RGS22: variants seen among roughly 807,000 people sequenced by gnomAD.
The protein encoded by RGS22 is regulator of G protein signaling 22.
In RGS22, 148 loss-of-function variants were observed where a neutral mutation model predicts 172.9. The observed-to-expected ratio is 0.86, with a 90% CI of 0.75 to 0.98. The LOEUF (loss-of-function observed/expected upper bound fraction) is 0.98, where lower values mean the gene tolerates loss of function less well. Among genes scored for constraint, RGS22 ranks in the 50% least tolerant of loss-of-function variants. The probability of loss-of-function intolerance (pLI) is 0.00; values close to 1 mark genes in which losing one functional copy is unlikely to be tolerated. For missense variants in RGS22, 1,347 were observed against 1,440.8 expected (o/e 0.93, Z 1.05); for synonymous variants, 458 against 480.2 (o/e 0.95, Z 0.60).
In RGS22 at chr8:100,066,298, T is replaced by C. The variant is rs1810531026; in HGVS notation, c.595-2A>G. ...ATCTTTTGTTTGAGTATAGGAAGCCTAGGAAGAAGGGAGCATATTAGTTTA... is the reference window on the plus strand; with the variant it reads ...ATCTTTTGTTTGAGTATAGGAAGCCCAGGAAGAAGGGAGCATATTAGTTTA... On this transcript the variant is annotated splice_acceptor_variant, in intron 6 of 27. Transcript: ENST00000360863. LOFTEE classifies it high-confidence loss of function. 1 of 1,612,244 alleles carries C rather than the reference T, an allele frequency of 6.2e-7. No individual in the cohort carries two copies. The highest frequency in any genetic ancestry group is 8.5e-7 in the Non-Finnish European group (1 of 1,178,612).
intron 3 of RGS22, among the ~76,000 whole-genome samples, chr8:100,090,540 T>C (rs3133719): frequency 0.21 from 32,275 of 152,036 alleles, 5,551 homozygotes; most frequent in African/African-American, 0.48. Flanking sequence ...CTGGTTATGG[T>C]TAGTCAACCA....
chr8:100,103,804 C>A (rs1412837358), intron 2 of RGS22, among the ~76,000 whole-genome samples: 3 of 152,058 alleles, frequency 2.0e-5, no homozygotes, highest in Admixed American at 1.3e-4. Flanking sequence ...TGAAACCAAG[C>A]CAAGAGAAAG....
intron 14 of RGS22, among the ~76,000 whole-genome samples, 187 bp from the exon 15 acceptor site, chr8:100,008,756 C>T (rs1816029692): frequency 6.6e-6 from 1 of 152,072 alleles, no homozygotes; most frequent in Non-Finnish European, 1.5e-5. Flanking sequence ...TTTGTTTTTC[C>T]TTTTGTTTTC....
chr8:100,022,846 G>A (rs1817763438), intron 14 of RGS22, among the ~76,000 whole-genome samples: 1 of 151,994 alleles, frequency 6.6e-6, no homozygotes, highest in South Asian at 2.1e-4. Context: ...CTCAAGCCTA[G>A]CCTCCCGAGT....
chr8:100,015,787 T>C (rs1049805116), intron 14 of RGS22, among the ~76,000 whole-genome samples: 10 of 152,194 alleles, frequency 6.6e-5, no homozygotes, highest in African/African-American at 2.4e-4. Context: ...AACTCAGTTT[T>C]CTGACCAAGC....
chr8:100,005,998 A>G lies in RGS22; in HGVS notation c.2454+19T>C, dbSNP rs552387396. 1.2e-5 allele frequency: 19 copies of G among 1,603,574 alleles called. No individual in the cohort carries two copies. The African/African-American group carries it at 2.5e-4, about 22-fold the overall frequency. ...TCCAGGATAAAAAGTTTGTTTTTCT[A>G]AGTAGAAAGTTGCCTTACCTCAGCT... On this transcript the variant is annotated intron_variant, in intron 16 of 27. Coordinates refer to ENST00000360863, the MANE Select transcript of RGS22 (RefSeq NM_015668.5).
In RGS22 at chr8:99,987,446, C is replaced by G. The variant is rs370094087; in HGVS notation, c.3180+12G>C. 585 of 1,571,334 alleles carry G rather than the reference C, an allele frequency of 3.7e-4. 1 individual carries two copies. Among genetic ancestry groups the G allele is most frequent in the Non-Finnish European group, 4.9e-4 (565 of 1,156,168 alleles). ...CAAAACAGGTGGTTTTCTCTAGCTC[C>G]CAATACAATACCTTATATTTTTGTA... On this transcript the variant is annotated intron_variant, in intron 21 of 27. Transcript: ENST00000360863.
At chr8:99,978,638 A>G (rs1812230879) in intron 22 of RGS22, among the ~76,000 whole-genome samples, 1 of 152,248 alleles carries the variant, frequency 6.6e-6, no homozygotes, top group African/African-American at 2.4e-5. Context: ...ACATTTAAAA[A>G]GCAGAACGGT....
chr8:99,996,760 T>C (rs933527700), intron 19 of RGS22, among the ~76,000 whole-genome samples: 2 of 152,194 alleles, frequency 1.3e-5, no homozygotes, highest in African/African-American at 4.8e-5. Flanking sequence ...CCGATTGTTA[T>C]TGCCCCAAAT....
At chr8:99,996,336 T>C in intron 20 of RGS22, 126 bp downstream of exon 20, 3 of 710,664 alleles carry the variant, frequency 4.2e-6, no homozygotes, top group Non-Finnish European at 7.4e-6. Context: ...ACAGTATCAG[T>C]GCTCAGTTGT....
rs576666975 is a variant in RGS22 at position 100,019,733 on chromosome 8, G to A, written c.2167-11164C>T. Among the ~76,000 whole-genome samples, 5 of 151,258 alleles carry A rather than the reference G, an allele frequency of 3.3e-5. No homozygotes were observed. The South Asian group carries it at 6.3e-4, about 19-fold the overall frequency. On this transcript the variant is annotated intron_variant, in intron 14 of 27. Coordinates refer to ENST00000360863, the MANE Select transcript of RGS22 (RefSeq NM_015668.5). ...TCCCTTTTTTTTAGACCCATTACTC[G>A]ACTAAAAAGTAAAAGAGGGAATTCT...
intron 11 of RGS22, among the ~76,000 whole-genome samples, chr8:100,043,501 GCACGGTGGCT>G (rs1366917090): frequency 2.6e-5 from 4 of 152,134 alleles, no homozygotes; most frequent in Non-Finnish European, 4.4e-5. Context: ...TAGTGGCTGG[GCACGGTGGCT>G]CACGCCTATA....
Position 100,071,499 on chromosome 8 carries a change from G to T in RGS22, c.464C>A (p.Ser155Tyr), listed in dbSNP as rs1810975900. ...KLVSQVRWSK[S>Y]GMNFTVGSNF... ...TGATCCTACTGTGAAATTCATGCCG[G>T]ACTTGCTCCATCTTACTTGTGAGAC... The change falls in exon 6 of 28, where the codon TCC becomes TAC. Residue 155 changes from serine to tyrosine, a missense_variant. Ser to Tyr is a moderately radical substitution (Grantham distance 144, BLOSUM62 -2). Coordinates refer to ENST00000360863, the MANE Select transcript of RGS22 (RefSeq NM_015668.5). 1.2e-6 allele frequency: 2 copies of T among 1,611,882 alleles called. No homozygotes were observed. The highest frequency in any genetic ancestry group is 8.5e-7 in the Non-Finnish European group (1 of 1,179,018).
intron 14 of RGS22, among the ~76,000 whole-genome samples, chr8:100,030,814 G>A (rs762901042): frequency 4.6e-5 from 7 of 152,072 alleles, no homozygotes; most frequent in Non-Finnish European, 8.8e-5. Context: ...GAATTAAACT[G>A]AAAGTAAGGA....
chr8:99,999,164 A>G, intron 19 of RGS22, 98 bp downstream of exon 19: 3 of 1,160,096 alleles, frequency 2.6e-6, no homozygotes, highest in Non-Finnish European at 3.5e-6. Flanking sequence ...TCCTTAAAAA[A>G]AAAAAAAAAG....
In RGS22 at chr8:100,051,740, AAT is replaced by A. The variant is rs1491389084; in HGVS notation, c.1689+1060_1689+1061del. ...ATATATTTATATATACGTATATATA[AAT>A]ATATATTTATATATTTATATATAAA... On this transcript the variant is annotated intron_variant, in intron 10 of 27. Coordinates refer to ENST00000360863, the MANE Select transcript of RGS22 (RefSeq NM_015668.5). 6.2e-5 allele frequency among the ~76,000 whole-genome samples: 5 copies of A among 80,022 alleles called. 1 individual carries two copies. In the South Asian group the frequency reaches 1.7e-3, roughly 26 times the overall value. 52.5% of individuals were successfully genotyped at this position (80,022 alleles called of 152,430 possible).
At chr8:99,998,068 C>T (rs534521121) in intron 19 of RGS22, among the ~76,000 whole-genome samples, 9 of 152,172 alleles carry the variant, frequency 5.9e-5, no homozygotes, top group Non-Finnish European at 1.2e-4. Context: ...ATTTTTTAAT[C>T]TCATTTTTTA....
chr8:100,096,670 A>AT (rs776862906), intron 2 of RGS22, among the ~76,000 whole-genome samples: 12,438 of 137,820 alleles, frequency 0.09, 738 homozygotes, highest in South Asian at 0.2. Flanking sequence ...ATTTAAAAAA[A>AT]ATTTTTTTTT....
intron 23 of RGS22, among the ~76,000 whole-genome samples, chr8:99,975,533 T>C (rs919031036): frequency 6.6e-6 from 1 of 151,998 alleles, no homozygotes. Flanking sequence ...TAGCATTTCA[T>C]AGGATGAACT....
Sources: allele counts gnomAD v4.1 joint callset (sites outside exome capture counted in the v4.1 genomes callset), GRCh38; gene constraint gnomAD v4.1.1; transcripts MANE v1.5; gene names NCBI Gene and HGNC (gene_info 2026-07-23, HGNC 2026-07-21).